NRG1: variants seen among roughly 807,000 people sequenced by gnomAD.
The protein encoded by NRG1 is pro-neuregulin-1, membrane-bound isoform.
In NRG1, 18 loss-of-function variants were observed where a neutral mutation model predicts 63.8. The observed-to-expected ratio is 0.28, with a 90% CI of 0.19 to 0.42. NRG1 has a LOEUF of 0.42. Ranked by LOEUF, NRG1 falls within the 10% of genes least tolerant of loss-of-function variation. The pLI, the probability that NRG1 is intolerant of heterozygous loss-of-function variation, is 1.00. For synonymous variants in NRG1, 302 were observed against 301.3 expected (o/e 1.00, Z -0.02); for missense variants, 762 against 814.7 (o/e 0.94, Z 0.79).
At chr8:31,661,913 C>A (rs1296951802) in intron 1 of NRG1, among the ~76,000 whole-genome samples, 1 of 152,196 alleles carries the variant, frequency 6.6e-6, no homozygotes, top group Non-Finnish European at 1.5e-5. Context: ...CAATATGGTG[C>A]ATATTCCCAT....
intron 5 of NRG1, among the ~76,000 whole-genome samples, chr8:32,644,114 T>C (rs567754990): frequency 1.3e-4 from 20 of 152,154 alleles, no homozygotes; most frequent in Non-Finnish European, 2.2e-4. Flanking sequence ...TGTATGGGAT[T>C]AGTGAAGATC....
intron 5 of NRG1, among the ~76,000 whole-genome samples, chr8:32,691,544 A>C (rs1811657656): frequency 6.6e-6 from 1 of 152,190 alleles, no homozygotes; most frequent in Non-Finnish European, 1.5e-5. Flanking sequence ...ATCTGAGAAA[A>C]AGAGAATTGC....
intron 1 of NRG1, among the ~76,000 whole-genome samples, chr8:31,800,285 G>T (rs1821634855): frequency 6.6e-6 from 1 of 152,134 alleles, no homozygotes; most frequent in Non-Finnish European, 1.5e-5. Context: ...AGGTGGTGGG[G>T]CGAGGTAACA....
intron 1 of NRG1, among the ~76,000 whole-genome samples, chr8:31,864,849 G>T (rs1244910226): frequency 6.6e-6 from 1 of 152,144 alleles, no homozygotes; most frequent in Non-Finnish European, 1.5e-5. Context: ...GTGAGAGGTA[G>T]CCCTACTGGG....
intron 1 of NRG1, among the ~76,000 whole-genome samples, chr8:31,824,796 G>A (rs1167839635): frequency 6.6e-6 from 1 of 152,156 alleles, no homozygotes; most frequent in African/African-American, 2.4e-5. Flanking sequence ...TTTGCAGTGA[G>A]TTTCAGCATA....
chr8:32,500,544 T>G (rs1368797611), intron 1 of NRG1, among the ~76,000 whole-genome samples: 1 of 152,182 alleles, frequency 6.6e-6, no homozygotes, highest in Non-Finnish European at 1.5e-5. Context: ...GACACTGCAG[T>G]CAAAGCCTTA....
chr8:31,754,518 C>G (rs1816779549), intron 1 of NRG1, among the ~76,000 whole-genome samples: 1 of 152,098 alleles, frequency 6.6e-6, no homozygotes, highest in South Asian at 2.1e-4. Context: ...TCCTCTACAG[C>G]CTGCAGAACC....
At chr8:31,824,190 A>G (rs1824307043) in intron 1 of NRG1, among the ~76,000 whole-genome samples, 1 of 98,508 alleles carries the variant, frequency 1.0e-5, no homozygotes, top group Non-Finnish European at 1.9e-5. Flanking sequence ...CCACCCCACA[A>G]CAGGCCCTGG....
At chr8:31,933,846 T>G (rs553950) in intron 1 of NRG1, among the ~76,000 whole-genome samples, 136,826 of 152,198 alleles carry the variant, frequency 0.9, 62,304 homozygotes, top group African/African-American at 0.97. Context: ...AATACACTTG[T>G]AGTCAATAGT....
intron 1 of NRG1, among the ~76,000 whole-genome samples, chr8:32,198,390 C>A (rs1420241883): frequency 6.6e-6 from 1 of 152,072 alleles, no homozygotes; most frequent in Non-Finnish European, 1.5e-5. Context: ...GTTGGTCAGG[C>A]TGGTCTCGAA....
chr8:32,496,970 A>C (rs1174569419), intron 1 of NRG1, among the ~76,000 whole-genome samples: 4 of 152,332 alleles, frequency 2.6e-5, no homozygotes, highest in South Asian at 4.1e-4. Context: ...AAGGAAATTA[A>C]TTCAGACTTT....
chr8:32,760,456 T>G (rs766585881), intron 11 of NRG1, 50 bp downstream of exon 11: 1 of 1,608,586 alleles, frequency 6.2e-7, no homozygotes, highest in African/African-American at 1.3e-5. Context: ...AGTCAGAGAA[T>G]CCCTGTGAGC....
Position 32,746,638 on chromosome 8 carries a change from T to G in NRG1, c.691+3905T>G, listed in dbSNP as rs530663776. Among the ~76,000 whole-genome samples the G allele has an allele frequency of 1.6e-3, 245 of 152,248 alleles. 1 individual carries two copies. Among genetic ancestry groups the G allele is most frequent in the African/African-American group, 5.8e-3 (240 of 41,570 alleles). ...AGACTTTTAGATTTAAATTAATTTT[T>G]TATATTGCTCAGAGCACAGCAGGAA... is the stretch of plus-strand genomic sequence containing the variant. On this transcript the variant is annotated intron_variant, in intron 7 of 11. Transcript: ENST00000356819.
At chr8:32,686,682 T>A (rs575879132) in intron 5 of NRG1, among the ~76,000 whole-genome samples, 1 of 152,222 alleles carries the variant, frequency 6.6e-6, no homozygotes, top group African/African-American at 2.4e-5. Flanking sequence ...CCTCTGATTC[T>A]ATAAGGCAAA....
intron 1 of NRG1, among the ~76,000 whole-genome samples, chr8:31,927,462 T>TG (rs1563576955): frequency 7.1e-6 from 1 of 141,220 alleles, no homozygotes; most frequent in African/African-American, 2.7e-5. Context: ...TTTTTTTTTT[T>TG]TTTTGAGACG....
intron 5 of NRG1, among the ~76,000 whole-genome samples, chr8:32,695,785 T>G (rs1813150408): frequency 6.6e-6 from 1 of 152,176 alleles, no homozygotes. Context: ...TGCTTACAAA[T>G]GAGAGTATTT....
Position 32,328,658 on chromosome 8 carries a change from G to C in NRG1, c.38-267170G>C, listed in dbSNP as rs143105462. On this transcript the variant is annotated intron_variant, in intron 1 of 10. Transcript: ENST00000519301. ...TGTCCCAAAGTGGTGCTTTTTAGCA[G>C]AAAATGTAATTTTTTTAAGATGAAA... 2.1e-3 allele frequency among the ~76,000 whole-genome samples: 314 copies of C among 152,212 alleles called. 4 individuals are homozygous for C. The highest frequency in any genetic ancestry group is 7.3e-3 in the African/African-American group (302 of 41,544).
chr8:32,184,147 T>G (rs1014206430), intron 1 of NRG1, among the ~76,000 whole-genome samples: 2 of 152,128 alleles, frequency 1.3e-5, no homozygotes, highest in South Asian at 2.1e-4. Context: ...TATAGATATA[T>G]AGAGAGAGTA....
chr8:32,664,359 A>C (rs532720248), intron 5 of NRG1, among the ~76,000 whole-genome samples: 1 of 152,198 alleles, frequency 6.6e-6, no homozygotes, highest in East Asian at 1.9e-4. Context: ...AGGCATCTTC[A>C]TATTGCATGG....
Sources: gnomAD v4.1 joint callset for allele counts (sites outside exome capture counted in the v4.1 genomes callset) on GRCh38, gnomAD v4.1.1 for gene constraint, MANE v1.5 for transcripts, NCBI Gene and HGNC (gene_info 2026-07-23, HGNC 2026-07-21) for gene names.